Variants in SOD2 observed in about 807,000 individuals in gnomAD.
SOD2 encodes the protein superoxide dismutase 2.
Under a neutral mutation model 27.0 loss-of-function variants are expected in SOD2, and 11 were observed. The ratio of observed to expected loss-of-function variants is 0.41; its 90% CI spans 0.26 to 0.67. SOD2 has a LOEUF of 0.67. Ranked by LOEUF, SOD2 falls within the 30% of genes least tolerant of loss-of-function variation. SOD2 has a pLI of 0.34. For missense variants in SOD2, 250 were observed against 274.5 expected, an observed-to-expected ratio of 0.91 and a Z score of 0.63; for synonymous variants, 105 against 103.0, an observed-to-expected ratio of 1.02 and a Z score of -0.12.
chr6:159,707,696 G>T (rs1039095666), intron 1 of SOD2, among the ~76,000 whole-genome samples: 6 of 152,124 alleles, frequency 3.9e-5, no homozygotes, highest in East Asian at 1.9e-4. Context: ...GTACAAGGAG[G>T]AGCTGGTACC....
At chr6:159,762,136 A>C (rs924904478) in exon 1 of SOD2, 3 of 1,611,884 alleles carry the variant, frequency 1.9e-6, no homozygotes, top group Non-Finnish European at 2.5e-6. Context: ...GGCGCGGACC[A>C]TCATAGGTGA....
upstream of SOD2, among the ~76,000 whole-genome samples, chr6:159,728,688 A>T (rs1435936498): frequency 6.6e-6 from 1 of 152,230 alleles, no homozygotes; most frequent in Non-Finnish European, 1.5e-5. Context: ...TTCAAGATGG[A>T]TACATTTTAA....
intron 1 of SOD2, among the ~76,000 whole-genome samples, chr6:159,702,533 A>T (rs1051680184): frequency 6.6e-6 from 1 of 151,046 alleles, no homozygotes; most frequent in African/African-American, 2.4e-5. Context: ...AACCTCAGAC[A>T]ATCTGCCCAC....
intron 1 of SOD2, among the ~76,000 whole-genome samples, chr6:159,744,247 G>C (rs1413632989): frequency 1.3e-5 from 2 of 152,124 alleles, no homozygotes; most frequent in African/African-American, 2.4e-5. Flanking sequence ...GAACTTTGAT[G>C]TGTACTGTGT....
chr6:159,749,879 C>G (rs1431384374), upstream of SOD2, among the ~76,000 whole-genome samples: 1 of 152,182 alleles, frequency 6.6e-6, no homozygotes, highest in Non-Finnish European at 1.5e-5. Flanking sequence ...CTATAAGTCA[C>G]CAATTCAAAT....
At position 159,685,011 on chromosome 6, in the gene SOD2, T is replaced by C. The variant is rs745868768; in HGVS notation, c.366A>G (p.Lys122=). The change falls in exon 4 of 5, where the codon AAA becomes AAG. Residue 122 remains lysine, a synonymous_variant. Coordinates refer to ENST00000538183, the MANE Select transcript of SOD2 (RefSeq NM_000636.4). ...EPKGELLEAI[K]RDFGSFDKFK... Reference sequence around the variant, plus strand: ...ACTTGTCAAAGGAACCAAAGTCACGTTTGATGGCTTCCAGCAACTCCCCTA... The same window carrying C: ...ACTTGTCAAAGGAACCAAAGTCACGCTTGATGGCTTCCAGCAACTCCCCTA... 10 of 1,606,656 alleles carry C rather than the reference T, an allele frequency of 6.2e-6. No individual in the cohort carries two copies. The highest frequency in any genetic ancestry group is 8.5e-6 in the Non-Finnish European group (10 of 1,177,090).
chr6:159,692,452 A>G lies in SOD2; in HGVS notation c.226+209T>C, dbSNP rs1181030627. The G allele has an allele frequency of 7.8e-6, 11 of 1,414,486 alleles. No homozygotes were observed. In the Middle Eastern group the frequency reaches 5.5e-4, roughly 71 times the overall value. 87.6% of individuals were successfully genotyped at this position (1,414,486 alleles called of 1,614,324 possible). A position where few individuals can be genotyped will look rare whatever the true frequency, so the allele number is the denominator to read the frequency against. On this transcript the variant is annotated intron_variant, in intron 2 of 4. Coordinates refer to ENST00000538183, the MANE Select transcript of SOD2 (RefSeq NM_000636.4). ...GCAGGACCCCAAGTTCCCTGAGATG[A>G]CAGAAGTGTGTTCAAACCCATCGAG... is the stretch of plus-strand genomic sequence containing the variant.
intron 1 of SOD2, among the ~76,000 whole-genome samples, chr6:159,716,399 T>C (rs1341149531): frequency 6.6e-6 from 1 of 152,152 alleles, no homozygotes; most frequent in Non-Finnish European, 1.5e-5. Flanking sequence ...AGATGTTTCC[T>C]ATAGGTGCAA....
At chr6:159,743,916 C>T (rs1779409263) in intron 1 of SOD2, 1 of 1,076,786 alleles carries the variant, frequency 9.3e-7, no homozygotes, top group Non-Finnish European at 1.2e-6. Context: ...GGTACGTATG[C>T]TTTGAGCTTT....
intron 1 of SOD2, among the ~76,000 whole-genome samples, chr6:159,702,159 G>A (rs933240460): frequency 5.3e-5 from 8 of 152,274 alleles, no homozygotes; most frequent in South Asian, 2.1e-4. Flanking sequence ...AGTTAGTTGT[G>A]CCTTTATGCT....
At chr6:159,702,281 C>T (rs1034433889) in intron 1 of SOD2, among the ~76,000 whole-genome samples, 1 of 151,754 alleles carries the variant, frequency 6.6e-6, no homozygotes, top group African/African-American at 2.4e-5. Flanking sequence ...AAAGCAAGAC[C>T]CTGTCTGTAT....
rs769540304 is a variant in SOD2, at chr6:159,678,188, C to T, written c.*4305G>A. ...TCCATACCCCTTCCCACATGCCTTG[C>T]CCTGTGCATCTCTTCCATCTGGCTG... On this transcript the variant is annotated 3_prime_UTR_variant, in exon 5 of 5. Transcript: ENST00000538183. 2.6e-5 allele frequency: 4 copies of T among 152,268 alleles called. No homozygotes were observed. The highest frequency in any genetic ancestry group is 9.7e-5 in the African/African-American group (4 of 41,444). 9.4% of individuals were successfully genotyped at this position (152,268 alleles called of 1,614,324 possible).
At chr6:159,741,979 C>A in intron 1 of SOD2, 1 of 809,438 alleles carries the variant, frequency 1.2e-6, no homozygotes, top group East Asian at 2.9e-5. Context: ...AATGAAAAAT[C>A]CAGAAGAATG....
intron 1 of SOD2, among the ~76,000 whole-genome samples, chr6:159,718,672 T>C (rs1411337749): frequency 6.6e-6 from 1 of 152,146 alleles, no homozygotes; most frequent in Non-Finnish European, 1.5e-5. Flanking sequence ...ATCCACTAGA[T>C]TAGAAAAAGA....
At chr6:159,745,043 A>G (rs1454293737) in intron 1 of SOD2, 1 of 152,156 alleles carries the variant, frequency 6.6e-6, no homozygotes, top group Non-Finnish European at 1.5e-5. Flanking sequence ...GTTTTGTTGT[A>G]ATTCTTACCA....
rs79881146 is a variant in SOD2, at chr6:159,719,119, G to A, written c.-116+8010C>T. 1.9e-3 allele frequency among the ~76,000 whole-genome samples: 292 copies of A among 152,184 alleles called. 1 individual carries two copies. The highest frequency in any genetic ancestry group is 6.7e-3 in the African/African-American group (277 of 41,538). ...AACCCCTAATGTGGAGGTAGGTGGTGAGGCCCTTGGAAGGGGATTAGGTCA... is the reference window on the plus strand; with the variant it reads ...AACCCCTAATGTGGAGGTAGGTGGTAAGGCCCTTGGAAGGGGATTAGGTCA... On this transcript the variant is annotated intron_variant, in intron 1 of 2. Coordinates refer to the SOD2 transcript ENST00000401980.
At chr6:159,704,540 C>T (rs1749657278) in intron 1 of SOD2, among the ~76,000 whole-genome samples, 1 of 152,184 alleles carries the variant, frequency 6.6e-6, no homozygotes, top group Admixed American at 6.5e-5. Context: ...AGCACAGCAG[C>T]CTGAGATCGA....
rs778037990 is a variant in SOD2, at chr6:159,742,049, TTTATC to T, written c.-116+3076_-116+3080del. The T allele has an allele frequency of 5.6e-6, 8 of 1,417,170 alleles. 1 individual carries two copies. The South Asian group carries it at 7.3e-5, about 13-fold the overall frequency. 87.8% of individuals were successfully genotyped at this position (1,417,170 alleles called of 1,614,324 possible). On this transcript the variant is annotated intron_variant, in intron 1 of 3. Coordinates refer to the SOD2 transcript ENST00000537657. ...TCTTCTAGTTTATTTAATAAACTAT[TTTATC>T]GTAACAACTAATGTATGGATTTTTT...
chr6:159,689,234 C>A (rs1459638978), intron 2 of SOD2, among the ~76,000 whole-genome samples: 1 of 152,226 alleles, frequency 6.6e-6, no homozygotes, highest in Non-Finnish European at 1.5e-5. Flanking sequence ...CTCTGCTGAA[C>A]ACTCTTCCCC....
Sources: gnomAD v4.1 joint callset for allele counts (sites outside exome capture counted in the v4.1 genomes callset) on GRCh38, gnomAD v4.1.1 for gene constraint, MANE v1.5 for transcripts, NCBI Gene and HGNC (gene_info 2026-07-23, HGNC 2026-07-21) for gene names.